The following KIRREL3 variants were observed in gnomAD, a reference collection of about 807,000 sequenced individuals.
The protein encoded by KIRREL3 is kin of IRRE-like protein 3.
A neutral mutation model predicts 89.7 loss-of-function variants in KIRREL3; 36 were observed. The observed-to-expected ratio is 0.40, with a 90% CI of 0.31 to 0.53. The LOEUF is 0.53. Ranked by LOEUF, KIRREL3 falls within the 20% of genes least tolerant of loss-of-function variation. The probability of loss-of-function intolerance (pLI) is 0.49; values close to 1 mark genes in which losing one functional copy is unlikely to be tolerated. For missense variants in KIRREL3, 864 were observed against 1,056.6 expected (o/e 0.82, Z 2.53); for synonymous variants, 445 against 441.4 (o/e 1.01, Z -0.10).
intron 1 of KIRREL3, among the ~76,000 whole-genome samples, chr11:126,695,292 G>A (rs1947044753): frequency 1.3e-5 from 2 of 149,828 alleles, no homozygotes; most frequent in Admixed American, 1.3e-4. Flanking sequence ...AGATCACAAA[G>A]TTAGTGTTTG....
At chr11:126,488,644 G>T (rs141295464) in intron 4 of KIRREL3, among the ~76,000 whole-genome samples, 2 of 152,314 alleles carry the variant, frequency 1.3e-5, no homozygotes, top group East Asian at 3.9e-4. Context: ...CAGTGACCTG[G>T]CCTGTGGCCC....
chr11:126,440,440 A>G lies in KIRREL3; in HGVS notation c.1353+9T>C. ...CCCGGCCCCCGCCCGCCGTCCCTGG[A>G]GCACTCACGATGCGGTCCGGCGGCG... On this transcript the variant is annotated intron_variant, in intron 11 of 16. Transcript: ENST00000525144. 1.3e-6 allele frequency: 2 copies of G among 1,563,042 alleles called. No homozygotes were observed. The highest frequency in any genetic ancestry group is 1.7e-6 in the Non-Finnish European group (2 of 1,154,784).
rs1343468554 is a variant in KIRREL3 at position 126,562,412 on chromosome 11, TCTC to T, written c.133+420_133+422del. Among the ~76,000 whole-genome samples, 2 of 152,122 alleles carry T rather than the reference TCTC, an allele frequency of 1.3e-5. No individual in the cohort carries two copies. Among genetic ancestry groups the T allele is most frequent in the Non-Finnish European group, 2.9e-5 (2 of 68,030 alleles). On this transcript the variant is annotated intron_variant, in intron 2 of 16. Coordinates refer to ENST00000525144, the MANE Select transcript of KIRREL3 (RefSeq NM_032531.4). This position sits in a 1 kb window ranked among gnomAD's most constrained non-coding sequence, Gnocchi z 4.7. ...ACATTGCCATATTCTTCTTTGGTAT[TCTC>T]CTAAGTGCCTGTATAGTGCTGTTTA...
chr11:126,926,659 T>C (rs1481380442), intron 1 of KIRREL3, among the ~76,000 whole-genome samples: 1 of 152,228 alleles, frequency 6.6e-6, no homozygotes, highest in African/African-American at 2.4e-5. Context: ...CCACCTGGCA[T>C]GAGCTTGAAA....
rs1945673998 is a variant in KIRREL3 at position 126,666,574 on chromosome 11, CACTT to C, written c.56-103666_56-103663del. 2.0e-5 allele frequency among the ~76,000 whole-genome samples: 3 copies of C among 152,304 alleles called. No individual in the cohort carries two copies. The highest frequency in any genetic ancestry group is 2.1e-4 in the South Asian group (1 of 4,818). On this transcript the variant is annotated intron_variant, in intron 1 of 16. Transcript: ENST00000525144. The surrounding 1 kb of genome is among the most constrained non-coding windows in gnomAD (Gnocchi z 4.2). ...GAAACAATGAAGAAACATTTTTTCTCACTTACATGGCACAAGGAAAACAATATCA... is the reference window on the plus strand; with the variant it reads ...GAAACAATGAAGAAACATTTTTTCTCACATGGCACAAGGAAAACAATATCA...
Position 126,647,106 on chromosome 11 carries a change from G to A in KIRREL3, c.56-84194C>T, listed in dbSNP as rs1020163174. The stretch of plus-strand genomic sequence containing the variant: ...CCAACCACTGACAAACAGGAGGCTC[G>A]GCACTTTTCATTTTAGGCACTTTTC... On this transcript the variant is annotated intron_variant, in intron 1 of 16. Transcript: ENST00000525144. This position sits in a 1 kb window ranked among gnomAD's most constrained non-coding sequence, Gnocchi z 4.9. Among the ~76,000 whole-genome samples, 7 of 152,112 alleles carry A rather than the reference G, an allele frequency of 4.6e-5. No individual in the cohort carries two copies. Among genetic ancestry groups the A allele is most frequent in the African/African-American group, 1.2e-4 (5 of 41,404 alleles).
At chr11:126,829,318 T>C (rs567780595) in intron 1 of KIRREL3, among the ~76,000 whole-genome samples, 4 of 152,286 alleles carry the variant, frequency 2.6e-5, no homozygotes, top group African/African-American at 9.6e-5. Context: ...AGGGTAAAAG[T>C]TACAAGACAA....
chr11:126,512,762 T>C (rs1958266000), intron 4 of KIRREL3, among the ~76,000 whole-genome samples: 16 of 151,896 alleles, frequency 1.1e-4, no homozygotes, highest in Admixed American at 1.0e-3. Flanking sequence ...AGCTGAAGGG[T>C]ATATTATCCT....
rs1940762189 is a variant in KIRREL3, at chr11:126,569,437, C to G, written c.56-6525G>C. Among the ~76,000 whole-genome samples, 1 of 152,170 alleles carries G rather than the reference C, an allele frequency of 6.6e-6. No homozygotes were observed. ...ATCCTACCCCTCTGGAACCAGGACACATTAATAAATGTGACTGGTGTAAAG... is the reference window on the plus strand; with the variant it reads ...ATCCTACCCCTCTGGAACCAGGACAGATTAATAAATGTGACTGGTGTAAAG... On this transcript the variant is annotated intron_variant, in intron 1 of 16. Coordinates refer to ENST00000525144, the MANE Select transcript of KIRREL3 (RefSeq NM_032531.4). This position sits in a 1 kb window ranked among gnomAD's most constrained non-coding sequence, Gnocchi z 6.5.
Position 126,808,002 on chromosome 11 carries a change from C to T in KIRREL3, c.55+192453G>A, listed in dbSNP as rs117490517. Among the ~76,000 whole-genome samples the T allele has an allele frequency of 3.3e-5, 5 of 152,320 alleles. No individual in the cohort carries two copies. The East Asian group carries it at 9.6e-4, about 29-fold the overall frequency. ...TTCCCAAATGCACATTTGTGTGAGG[C>T]TCAGCACTGGATAAATGGGGAAAGA... On this transcript the variant is annotated intron_variant, in intron 1 of 16. Transcript: ENST00000525144. The surrounding 1 kb of genome is among the most constrained non-coding windows in gnomAD (Gnocchi z 4.1).
intron 1 of KIRREL3, among the ~76,000 whole-genome samples, chr11:126,790,702 G>A (rs1377036371): frequency 6.6e-6 from 1 of 152,174 alleles, no homozygotes; most frequent in East Asian, 1.9e-4. Context: ...TGAGTCAGAG[G>A]AAAGAGTGAT....
rs1008653306 is a variant in KIRREL3 at position 126,574,124 on chromosome 11, C to G, written c.56-11212G>C. ...CAGGTTAACTGAGTATTATTGGCAA[C>G]TAACACACCTGCAGAGCTTTGCAGT... is the stretch of plus-strand genomic sequence containing the variant. On this transcript the variant is annotated intron_variant, in intron 1 of 16. Coordinates refer to ENST00000525144, the MANE Select transcript of KIRREL3 (RefSeq NM_032531.4). The surrounding 1 kb of genome is among the most constrained non-coding windows in gnomAD (Gnocchi z 5.3). Among the ~76,000 whole-genome samples the G allele has an allele frequency of 6.6e-6, 1 of 152,230 alleles. No homozygotes were observed. The highest frequency in any genetic ancestry group is 6.5e-5 in the Admixed American group (1 of 15,290).
chr11:126,806,796 C>T (rs1215031448), intron 1 of KIRREL3, among the ~76,000 whole-genome samples: 1 of 152,036 alleles, frequency 6.6e-6, no homozygotes, highest in African/African-American at 2.4e-5. Context: ...TTAAGCCCCA[C>T]ATGCATTAGG....
intron 4 of KIRREL3, among the ~76,000 whole-genome samples, chr11:126,493,102 G>A (rs1265297205): frequency 6.6e-6 from 1 of 152,240 alleles, no homozygotes; most frequent in East Asian, 1.9e-4. Flanking sequence ...GAGGTAGGCA[G>A]AGTAGCAACC....
rs1377014589 is a variant in KIRREL3 at position 126,441,705 on chromosome 11, T to G, written c.1253-1156A>C. On this transcript the variant is annotated intron_variant, in intron 10 of 16. Coordinates refer to ENST00000525144, the MANE Select transcript of KIRREL3 (RefSeq NM_032531.4). The surrounding 1 kb of genome is among the most constrained non-coding windows in gnomAD (Gnocchi z 5.0). ...ATTAGCCACCTTAATTAAAGCAGAT[T>G]TGCATTTCTATGAGTAGCTCTCAGC... Among the ~76,000 whole-genome samples, 1 of 152,220 alleles carries G rather than the reference T, an allele frequency of 6.6e-6. No homozygotes were observed. Among genetic ancestry groups the G allele is most frequent in the Non-Finnish European group, 1.5e-5 (1 of 68,036 alleles).
At chr11:126,448,279 C>CAAAAAAAAAAAAAAAAA (rs55787866) in intron 8 of KIRREL3, among the ~76,000 whole-genome samples, 1 of 95,372 alleles carries the variant, frequency 1.0e-5, no homozygotes, top group Non-Finnish European at 2.1e-5. Flanking sequence ...GAGACTGTCT[C>CAAAAAAAAAAAAAAAAA]AAAAAAAAAA....
At chr11:126,952,375 A>G (rs955764511) in intron 1 of KIRREL3, among the ~76,000 whole-genome samples, 1 of 151,998 alleles carries the variant, frequency 6.6e-6, no homozygotes, top group Non-Finnish European at 1.5e-5. Flanking sequence ...AAAGAGCAAG[A>G]CTGTCTTGAA....
chr11:126,658,922 C>T (rs949905997), intron 1 of KIRREL3, among the ~76,000 whole-genome samples: 3 of 152,206 alleles, frequency 2.0e-5, no homozygotes, highest in African/African-American at 7.2e-5. Flanking sequence ...GGGAAGTTGT[C>T]CAAAGTGACA....
intron 1 of KIRREL3, among the ~76,000 whole-genome samples, chr11:126,960,921 A>C (rs1403677264): frequency 6.6e-6 from 1 of 152,122 alleles, no homozygotes; most frequent in Non-Finnish European, 1.5e-5. Flanking sequence ...CCAATATTTC[A>C]AATACTTTCA....
Sources: allele counts gnomAD v4.1 joint callset (sites outside exome capture counted in the v4.1 genomes callset), GRCh38; gene constraint gnomAD v4.1.1; non-coding constraint Gnocchi (gnomAD v3.1); transcripts MANE v1.5; gene names NCBI Gene and HGNC (gene_info 2026-07-23, HGNC 2026-07-21).